Variants in RPSA2 observed in about 807,000 individuals in gnomAD.
The protein encoded by RPSA2 is ribosomal protein SA 2.
the RPSA2 span, among the ~76,000 whole-genome samples, chr19:23,862,589 G>T: frequency 9.1e-4 from 138 of 152,128 alleles, no homozygotes; most frequent in African/African-American, 3.2e-3. Context: ...TAGCATGAAG[G>T]GTTGTTGAAT....
chr19:23,797,263 C>T, the RPSA2 span, among the ~76,000 whole-genome samples: 1 of 152,120 alleles, frequency 6.6e-6, no homozygotes, highest in Non-Finnish European at 1.5e-5. Flanking sequence ...GCATGTGCCA[C>T]CATGATGGGC....
At chr19:23,804,940 G>A in the RPSA2 span, among the ~76,000 whole-genome samples, 5 of 151,784 alleles carry the variant, frequency 3.3e-5, no homozygotes, top group Non-Finnish European at 7.4e-5. Context: ...AATCAAGTAT[G>A]ACGAGTTCAA....
chr19:23,866,513 G>GGTCCC, the RPSA2 span, among the ~76,000 whole-genome samples: 1 of 142,284 alleles, frequency 7.0e-6, no homozygotes. Context: ...ACAATGTGGT[G>GGTCCC]CCCCCCCCCG....
At chr19:23,863,917 G>A in the RPSA2 span, among the ~76,000 whole-genome samples, 2 of 152,188 alleles carry the variant, frequency 1.3e-5, no homozygotes, top group Admixed American at 1.3e-4. Context: ...GAATAACAGA[G>A]GCACAAAGCA....
the RPSA2 span, among the ~76,000 whole-genome samples, chr19:23,864,278 C>G: frequency 6.6e-6 from 1 of 152,212 alleles, no homozygotes; most frequent in Non-Finnish European, 1.5e-5. Context: ...ACTCAAATTA[C>G]TTCTTAAGTA....
chr19:23,810,102 G>T, the RPSA2 span, among the ~76,000 whole-genome samples: 4 of 151,992 alleles, frequency 2.6e-5, no homozygotes, highest in African/African-American at 7.2e-5. Context: ...TGTTAAAAGG[G>T]GCTTGGATAG....
the RPSA2 span, among the ~76,000 whole-genome samples, chr19:23,850,915 C>A: frequency 0.011 from 1,655 of 152,212 alleles, 32 homozygotes; most frequent in African/African-American, 0.038. Context: ...GTGTGATTGG[C>A]CCGTTCCACA....
At chr19:23,864,713 T>A in the RPSA2 span, among the ~76,000 whole-genome samples, 1 of 152,174 alleles carries the variant, frequency 6.6e-6, no homozygotes, top group Non-Finnish European at 1.5e-5. Flanking sequence ...TATAACTAAT[T>A]TGTAATTAGA....
At chr19:23,762,289 C>T in the RPSA2 span, among the ~76,000 whole-genome samples, 3 of 151,944 alleles carry the variant, frequency 2.0e-5, no homozygotes, top group African/African-American at 7.2e-5. Context: ...TAATGGCCAT[C>T]CCACGATGTG....
chr19:23,819,922 A>C, the RPSA2 span, among the ~76,000 whole-genome samples: 1 of 152,196 alleles, frequency 6.6e-6, no homozygotes, highest in East Asian at 1.9e-4. Context: ...TTCTTGAACT[A>C]TCTTGGCTAT....
At chr19:23,857,854 T>C in the RPSA2 span, among the ~76,000 whole-genome samples, 148,817 of 152,144 alleles carry the variant, frequency 0.98, 72,874 homozygotes, top group Middle Eastern at 1. Context: ...TACTGAAGAA[T>C]TATGGAATTT....
the RPSA2 span, among the ~76,000 whole-genome samples, chr19:23,858,388 C>T: frequency 6.6e-6 from 1 of 151,974 alleles, no homozygotes; most frequent in Non-Finnish European, 1.5e-5. Flanking sequence ...ACACTTGTAC[C>T]CAACACATTT....
At chr19:23,867,787 G>A in the RPSA2 span, among the ~76,000 whole-genome samples, 525 of 147,470 alleles carry the variant, frequency 3.6e-3, 1 homozygote, top group South Asian at 4.9e-3. Flanking sequence ...CAGAGATTGC[G>A]CCACTGCACT....
the RPSA2 span, among the ~76,000 whole-genome samples, chr19:23,841,065 T>A: frequency 6.7e-6 from 1 of 148,944 alleles, no homozygotes; most frequent in African/African-American, 2.5e-5. Context: ...TTATGATTTA[T>A]GTTTTTTTGG....
chr19:23,761,921 T>TCTCTCTCTCTCTCTCGCTCTCTC, the RPSA2 span, among the ~76,000 whole-genome samples: 6 of 76,198 alleles, frequency 7.9e-5, 1 homozygote, highest in South Asian at 1.1e-3. Context: ...TCTTTCTTTC[T>TCTCTCTCTCTCTCTCGCTCTCTC]TTTTTTTTTT....
the RPSA2 span, among the ~76,000 whole-genome samples, chr19:23,840,567 C>G: frequency 1.3e-5 from 2 of 152,162 alleles, no homozygotes; most frequent in African/African-American, 4.8e-5. Flanking sequence ...GAATTAATGG[C>G]CTGGAATAAT....
At chr19:23,770,944 C>G in the RPSA2 span, among the ~76,000 whole-genome samples, 1 of 152,160 alleles carries the variant, frequency 6.6e-6, no homozygotes, top group Non-Finnish European at 1.5e-5. Flanking sequence ...TCCAAACTTA[C>G]AGGTGCAATA....
At chr19:23,870,870 A>C in the RPSA2 span, among the ~76,000 whole-genome samples, 1 of 152,226 alleles carries the variant, frequency 6.6e-6, no homozygotes, top group Non-Finnish European at 1.5e-5. Context: ...TCAAAGAGCA[A>C]ACTGTTTATC....
the RPSA2 span, among the ~76,000 whole-genome samples, chr19:23,814,289 G>A: frequency 1.3e-5 from 2 of 150,780 alleles, no homozygotes; most frequent in East Asian, 1.9e-4. Flanking sequence ...GGAAATAATC[G>A]AACTTAATTT....
Sources: allele counts gnomAD v4.1 joint callset (sites outside exome capture counted in the v4.1 genomes callset), GRCh38; gene constraint gnomAD v4.1.1; transcripts MANE v1.5; gene names NCBI Gene and HGNC (gene_info 2026-07-23, HGNC 2026-07-21).